Variants in DIP2B observed in about 807,000 individuals in gnomAD.
DIP2B encodes the protein DIP2 acetate--CoA ligase B (putative), also known as disco-interacting protein 2 homolog B.
In DIP2B, 76 loss-of-function variants were observed where a neutral mutation model predicts 198.0. The observed-to-expected ratio is 0.38, with a 90% CI of 0.32 to 0.46. The LOEUF is 0.46. Among genes scored for constraint, DIP2B ranks in the 20% least tolerant of loss-of-function variants. DIP2B has a pLI of 0.99. For synonymous variants in DIP2B, 701 were observed against 739.1 expected (o/e 0.95, Z 0.84); for missense variants, 1,559 against 1,978.4 (o/e 0.79, Z 4.02).
At chr12:50,625,568 G>A (rs1172514576) in intron 1 of DIP2B, among the ~76,000 whole-genome samples, 1 of 152,102 alleles carries the variant, frequency 6.6e-6, no homozygotes, top group Non-Finnish European at 1.5e-5. Context: ...TATGTGGTTC[G>A]TATAGCAGTA....
At chr12:50,516,119 G>C (rs1958061056) in intron 1 of DIP2B, among the ~76,000 whole-genome samples, 1 of 151,948 alleles carries the variant, frequency 6.6e-6, no homozygotes, top group South Asian at 2.1e-4. Flanking sequence ...ATGGTGGGAG[G>C]GGCAAACAGG....
At chr12:50,724,418 G>A (rs980248208) in intron 27 of DIP2B, among the ~76,000 whole-genome samples, 1 of 152,106 alleles carries the variant, frequency 6.6e-6, no homozygotes, top group African/African-American at 2.4e-5. Context: ...ATGGTTATCC[G>A]ATTCTTCTCA....
chr12:50,644,284 T>A (rs1938311702), intron 3 of DIP2B, among the ~76,000 whole-genome samples: 1 of 152,194 alleles, frequency 6.6e-6, no homozygotes. Flanking sequence ...TGGTCTCAAA[T>A]GTAGAAAACA....
At chr12:50,554,639 T>G (rs1958453969) in intron 1 of DIP2B, among the ~76,000 whole-genome samples, 1 of 152,194 alleles carries the variant, frequency 6.6e-6, no homozygotes, top group Non-Finnish European at 1.5e-5. Context: ...GTCTCTAGTT[T>G]CTTAGGGATT....
intron 1 of DIP2B, among the ~76,000 whole-genome samples, chr12:50,568,462 G>T (rs768128099): frequency 6.6e-6 from 1 of 152,144 alleles, no homozygotes; most frequent in Non-Finnish European, 1.5e-5. Context: ...GGCTTGCCTG[G>T]CTCTTTCAGC....
intron 4 of DIP2B, among the ~76,000 whole-genome samples, chr12:50,660,800 G>A (rs1321603327): frequency 6.6e-6 from 1 of 152,190 alleles, no homozygotes; most frequent in Non-Finnish European, 1.5e-5. Context: ...GAGCAATCAT[G>A]CAAAGTTGTG....
intron 7 of DIP2B, among the ~76,000 whole-genome samples, chr12:50,676,585 T>C (rs1422830913): frequency 6.6e-6 from 1 of 152,230 alleles, no homozygotes; most frequent in Non-Finnish European, 1.5e-5. Flanking sequence ...ACAGGAATCT[T>C]ACCTGAAAAA....
chr12:50,707,150 C>T (rs1376127257), intron 21 of DIP2B, among the ~76,000 whole-genome samples: 1 of 152,082 alleles, frequency 6.6e-6, no homozygotes, highest in Non-Finnish European at 1.5e-5. Context: ...AATTAGATAT[C>T]TTTTTTCTTT....
At chr12:50,715,608 T>C (rs922906798) in intron 23 of DIP2B, among the ~76,000 whole-genome samples, 1 of 152,164 alleles carries the variant, frequency 6.6e-6, no homozygotes, top group Admixed American at 6.5e-5. Context: ...GAAAATAAAA[T>C]AATCGGCCAC....
At chr12:50,544,321 C>G (rs1227104625) in intron 1 of DIP2B, among the ~76,000 whole-genome samples, 2 of 152,162 alleles carry the variant, frequency 1.3e-5, no homozygotes, top group Non-Finnish European at 2.9e-5. Context: ...CCCTTCCAGT[C>G]ACTTTTCTAT....
chr12:50,705,900 T>C (rs140636506), intron 20 of DIP2B, among the ~76,000 whole-genome samples: 54 of 152,332 alleles, frequency 3.5e-4, no homozygotes, highest in Admixed American at 1.4e-3. Context: ...ATTTAGAAAT[T>C]CTGTAATGAA....
At chr12:50,632,409 A>C (rs1299337477) in intron 2 of DIP2B, among the ~76,000 whole-genome samples, 1 of 139,632 alleles carries the variant, frequency 7.2e-6, no homozygotes, top group Non-Finnish European at 1.5e-5. Flanking sequence ...AATCTGGGAG[A>C]TGGAGGTTGC....
chr12:50,589,337 G>A (rs1691911604), intron 1 of DIP2B, among the ~76,000 whole-genome samples: 1 of 148,688 alleles, frequency 6.7e-6, no homozygotes, highest in African/African-American at 2.5e-5. Flanking sequence ...TGGGATTATA[G>A]GTGCACGCCA....
At chr12:50,618,509 A>C (rs1205131199) in intron 1 of DIP2B, among the ~76,000 whole-genome samples, 2 of 152,240 alleles carry the variant, frequency 1.3e-5, no homozygotes, top group Non-Finnish European at 2.9e-5. Context: ...TTCAAGACCT[A>C]ACCCAAGAGC....
At chr12:50,569,481 T>C (rs986554858) in intron 1 of DIP2B, among the ~76,000 whole-genome samples, 1 of 152,244 alleles carries the variant, frequency 6.6e-6, no homozygotes, top group Non-Finnish European at 1.5e-5. Flanking sequence ...TGCATGTTAA[T>C]TCCACCATCC....
At chr12:50,705,178 T>A (rs1939492113) in intron 20 of DIP2B, among the ~76,000 whole-genome samples, 1 of 152,182 alleles carries the variant, frequency 6.6e-6, no homozygotes, top group Non-Finnish European at 1.5e-5. Flanking sequence ...TAAGCCCATA[T>A]TACTCCATTC....
chr12:50,679,757 A>G (rs1337600795), intron 8 of DIP2B: 1 of 152,208 alleles, frequency 6.6e-6, no homozygotes, highest in Non-Finnish European at 1.5e-5. Flanking sequence ...AAATCTTTGC[A>G]TGTTTATTTA....
intron 1 of DIP2B, among the ~76,000 whole-genome samples, chr12:50,624,806 C>G (rs1937900405): frequency 6.6e-6 from 1 of 152,180 alleles, no homozygotes; most frequent in South Asian, 2.1e-4. Context: ...CCTGACAACT[C>G]ATTCTCCCAG....
At chr12:50,697,533 C>CCT (rs1296551000) in intron 17 of DIP2B, among the ~76,000 whole-genome samples, 1 of 45,970 alleles carries the variant, frequency 2.2e-5, no homozygotes, top group Non-Finnish European at 3.6e-5. Flanking sequence ...TATAGATATA[C>CCT]TTTTTTTTTT....
Sources: gnomAD v4.1 joint callset for allele counts (sites outside exome capture counted in the v4.1 genomes callset) on GRCh38, gnomAD v4.1.1 for gene constraint, MANE v1.5 for transcripts, NCBI Gene and HGNC (gene_info 2026-07-23, HGNC 2026-07-21) for gene names.